Variants in RRBP1 observed in about 807,000 individuals in gnomAD.
RRBP1 encodes the protein ribosome binding protein 1.
In RRBP1, 94 loss-of-function variants were observed where a neutral mutation model predicts 165.2. The observed-to-expected ratio is 0.57, with a 90% CI of 0.48 to 0.68. The LOEUF (loss-of-function observed/expected upper bound fraction) is 0.68. RRBP1 is among the 30% of genes least tolerant of loss of function. The pLI is 0.00. For missense variants in RRBP1, 1,676 were observed against 1,763.0 expected (o/e 0.95, Z 0.88); for synonymous variants, 680 against 714.5 (o/e 0.95, Z 0.77).
In RRBP1 at chr20:17,659,607, T is replaced by C. The variant is rs2036719551; in HGVS notation, c.901A>G (p.Lys301Glu). Residue 301 changes from lysine to glutamate, a missense_variant, in exon 3 of 25, where the codon AAG (lysine) becomes GAG (glutamate). Lys to Glu is a moderately conservative substitution (Grantham distance 56). Around this residue, in one of 5 missense-constraint regions of RRBP1, gnomAD observed 392 missense variants for 382.5 expected, o/e 1.02. Coordinates refer to ENST00000377813, the MANE Select transcript of RRBP1 (RefSeq NM_001365613.2). Reference sequence around the variant, plus strand: ...CCCTGGTTCTGGGCCCCTTCTACCTTTTTGGCCTGGTTCTGAGCCCCCTCG... The same window carrying C: ...CCCTGGTTCTGGGCCCCTTCTACCTCTTTGGCCTGGTTCTGAGCCCCCTCG... Reference protein sequence around the residue: ...KAEGAQNQAKKVEGAQNQGKK... With the variant: ...KAEGAQNQAKEVEGAQNQGKK... 6.5e-7 allele frequency: 1 copy of C among 1,550,190 alleles called. No homozygotes were observed. Among genetic ancestry groups the C allele is most frequent in the East Asian group, 2.4e-5 (1 of 40,868 alleles).
chr20:17,676,208 G>C (rs1412677705), intron 2 of RRBP1, among the ~76,000 whole-genome samples: 2 of 152,128 alleles, frequency 1.3e-5, no homozygotes, highest in African/African-American at 4.8e-5. Context: ...GACCCTCTCA[G>C]AAATAAAAAA....
At chr20:17,626,853 G>A (rs2036031495) in intron 11 of RRBP1, among the ~76,000 whole-genome samples, 1 of 152,242 alleles carries the variant, frequency 6.6e-6, no homozygotes, top group Non-Finnish European at 1.5e-5. Context: ...CTGGCCAGCA[G>A]TGAAGTCACC....
chr20:17,673,792 A>C (rs1423298693), intron 2 of RRBP1, among the ~76,000 whole-genome samples: 2 of 152,244 alleles, frequency 1.3e-5, no homozygotes, highest in African/African-American at 2.4e-5. Context: ...AAGATGGAAA[A>C]GACTAACTTA....
rs778157629 is a variant in RRBP1 at position 17,629,910 on chromosome 20, T to C, written c.2662A>G (p.Ser888Gly). 47 of 1,600,154 alleles carry C rather than the reference T, an allele frequency of 2.9e-5. No homozygotes were observed. Among genetic ancestry groups the C allele is most frequent in the Non-Finnish European group, 3.9e-5 (46 of 1,179,390 alleles). ...CTCTGCGTGTGGCACAGCTCCCGGCTGACCTCGTCCAGGCGCTTCTGCAGG... is the reference window on the plus strand; with the variant it reads ...CTCTGCGTGTGGCACAGCTCCCGGCCGACCTCGTCCAGGCGCTTCTGCAGG... Reference protein sequence around the residue: ...EALQKRLDEVSRELCHTQSSH... With the variant: ...EALQKRLDEVGRELCHTQSSH... The change falls in exon 9 of 25, where the codon AGC (serine) becomes GGC (glycine). Residue 888 changes from serine (S) to glycine (G), a missense_variant. Physicochemically the swap from Ser to Gly is moderately conservative, Grantham distance 56 (BLOSUM62 0). Coordinates refer to ENST00000377813, the MANE Select transcript of RRBP1 (RefSeq NM_001365613.2).
chr20:17,640,956 C>A (rs919594942), intron 5 of RRBP1, among the ~76,000 whole-genome samples: 1 of 152,192 alleles, frequency 6.6e-6, no homozygotes, highest in African/African-American at 2.4e-5. Flanking sequence ...GCCCGCTGCC[C>A]GGGATGGAGA....
chr20:17,669,876 T>G (rs1026945248), intron 2 of RRBP1, among the ~76,000 whole-genome samples: 1 of 152,224 alleles, frequency 6.6e-6, no homozygotes, highest in South Asian at 2.1e-4. Flanking sequence ...TATAAGCATA[T>G]GAATCACAGT....
intron 5 of RRBP1, among the ~76,000 whole-genome samples, chr20:17,639,450 C>T (rs2122348539): frequency 6.6e-6 from 1 of 152,308 alleles, no homozygotes; most frequent in South Asian, 2.1e-4. Flanking sequence ...GAAAACATGT[C>T]GAAGGGACTA....
rs749502926 is a variant in RRBP1, at chr20:17,660,109, G to A, written c.399C>T (p.Ala133=). The part of the protein sequence containing the change: ...TVPAMPQEKL[A]SSPKDKKKKE... ...TCTTCTTTTTGTCCTTGGGGGAGGA[G>A]GCCAGCTTCTCCTGGGGCATGGCTG... Residue 133 remains alanine, a synonymous_variant, in exon 3 of 25, where the codon GCC becomes GCT. Coordinates refer to ENST00000377813, the MANE Select transcript of RRBP1 (RefSeq NM_001365613.2). 1.4e-5 allele frequency: 23 copies of A among 1,614,006 alleles called. No homozygotes were observed. The highest frequency in any genetic ancestry group is 2.7e-5 in the African/African-American group (2 of 74,894).
chr20:17,627,181 C>T lies in RRBP1; in HGVS notation c.2963+167G>A, dbSNP rs555424509. On this transcript the variant is annotated intron_variant, in intron 11 of 24. Transcript: ENST00000377813. ...AGGCCGCCTTCTTTCCCGCCCAGGC[C>T]TGTCCCGTCCTCTAAATCACCGGAG... 5.5e-5 allele frequency among the ~76,000 whole-genome samples: 5 copies of T among 90,676 alleles called. No individual in the cohort carries two copies. In the East Asian group the frequency reaches 1.3e-3, roughly 24 times the overall value. 59.5% of individuals were successfully genotyped at this position (90,676 alleles called of 152,430 possible).
rs756213733 is a variant in RRBP1, at chr20:17,624,577, T to C, written c.3146A>G (p.Lys1049Arg). ...GTGTGAGTGTGGTCGGGCTCTGACC[T>C]TGGCCTGGGTCAGGGAGAGCAGCTT... Reference protein sequence around the residue: ...KEKLLSLTQAKEESEKQLCLI... With the variant: ...KEKLLSLTQAREESEKQLCLI... Residue 1049 changes from lysine to arginine, a missense_variant and splice_region_variant, in exon 13 of 25, where the codon AAG (lysine) becomes AGG (arginine). Coordinates refer to ENST00000377813, the MANE Select transcript of RRBP1 (RefSeq NM_001365613.2). The C allele has an allele frequency of 1.3e-6, 2 of 1,587,710 alleles. No homozygotes were observed. Among genetic ancestry groups the C allele is most frequent in the African/African-American group, 1.3e-5 (1 of 74,726 alleles).
chr20:17,640,204 C>T (rs1224838761), intron 5 of RRBP1, among the ~76,000 whole-genome samples: 6 of 152,126 alleles, frequency 3.9e-5, no homozygotes, highest in Non-Finnish European at 8.8e-5. Flanking sequence ...CAGGTGATGC[C>T]TAACTGTACC....
At chr20:17,622,942 C>A (rs182917899) in intron 13 of RRBP1, 11 of 152,388 alleles carry the variant, frequency 7.2e-5, no homozygotes, top group African/African-American at 2.6e-4. Context: ...CTGAGCGCAG[C>A]GCCCTCTGGC....
At chr20:17,615,820 G>A (rs1465884510) in intron 22 of RRBP1, 106 bp downstream of exon 22, 11 of 1,009,236 alleles carry the variant, frequency 1.1e-5, no homozygotes, top group African/African-American at 1.6e-5. Flanking sequence ...GCCCAGCCCA[G>A]GTGCTGCTGG....
chr20:17,673,407 CTTTCT>C (rs1344094102), intron 2 of RRBP1, among the ~76,000 whole-genome samples: 1 of 152,114 alleles, frequency 6.6e-6, no homozygotes, highest in African/African-American at 2.4e-5. Context: ...GTCCTGAAGT[CTTTCT>C]TTTTTCTTTT....
intron 3 of RRBP1, among the ~76,000 whole-genome samples, chr20:17,649,422 A>C (rs1330973935): frequency 6.6e-6 from 1 of 152,170 alleles, no homozygotes; most frequent in African/African-American, 2.4e-5. Flanking sequence ...TAAAAATTCA[A>C]ATCCACCTTA....
intron 16 of RRBP1, 127 bp from the exon 17 acceptor site, chr20:17,620,934 C>T (rs1017898384): frequency 1.9e-5 from 13 of 690,782 alleles, no homozygotes; most frequent in Admixed American, 2.7e-5. Context: ...TGAGCGCCAG[C>T]GTTAGGTGGG....
At chr20:17,677,132 G>A (rs1281840404) in intron 2 of RRBP1, among the ~76,000 whole-genome samples, 2 of 151,948 alleles carry the variant, frequency 1.3e-5, no homozygotes, top group Non-Finnish European at 2.9e-5. Flanking sequence ...TGAGGTCAGT[G>A]AAACAAATTC....
Position 17,658,708 on chromosome 20 carries a change from T to C in RRBP1, c.1800A>G (p.Thr600=). The C allele has an allele frequency of 6.2e-7, 1 of 1,614,250 alleles. No individual in the cohort carries two copies. Among genetic ancestry groups the C allele is most frequent in the Non-Finnish European group, 8.5e-7 (1 of 1,180,042 alleles). ...TTCTGCCCTGGACAGAAGCTGACTC[T>C]GTCTTTTTACCCTGATTGGCAGCTG... The part of the protein sequence containing the change: ...ADAAANQGKK[T]ESASVQGRNT... Residue 600 remains threonine, a synonymous_variant, in exon 3 of 25, where the codon ACA becomes ACG. Transcript: ENST00000377813.
At chr20:17,620,565 G>A (rs1188622658) in intron 17 of RRBP1, 150 bp downstream of exon 17, 1 of 794,228 alleles carries the variant, frequency 1.3e-6, no homozygotes, top group East Asian at 2.6e-5. Flanking sequence ...GACGGACTGA[G>A]CTGTCATCCC....
Sources: allele counts gnomAD v4.1 joint callset (sites outside exome capture counted in the v4.1 genomes callset), GRCh38; gene constraint gnomAD v4.1.1; regional missense constraint gnomAD v4.1.1; transcripts MANE v1.5; gene names NCBI Gene and HGNC (gene_info 2026-07-23, HGNC 2026-07-21).